Variants in WWOX observed in about 807,000 individuals in gnomAD.
WWOX encodes the protein WW domain containing oxidoreductase, also known as WW domain-containing oxidoreductase.
In WWOX, 69 loss-of-function variants were observed where a neutral mutation model predicts 46.2. The observed-to-expected ratio is 1.49, with a 90% CI of 1.23 to 1.82. The LOEUF (loss-of-function observed/expected upper bound fraction) is 1.82, where lower values mean the gene tolerates loss of function less well. Ranked by LOEUF, WWOX falls within the 40% of genes most tolerant of loss-of-function variation. The pLI, the probability that WWOX is intolerant of heterozygous loss-of-function variation, is 0.00. For synonymous variants in WWOX, 359 were observed against 202.6 expected, an observed-to-expected ratio of 1.77 and a Z score of -6.56; for missense variants, 919 against 542.6, an observed-to-expected ratio of 1.69 and a Z score of -6.89.
At chr16:78,237,165 C>G (rs1597386554) in intron 5 of WWOX, among the ~76,000 whole-genome samples, 1 of 151,004 alleles carries the variant, frequency 6.6e-6, no homozygotes, top group Non-Finnish European at 1.5e-5. Flanking sequence ...GATTCAAAGT[C>G]TGACTGATTT....
At chr16:78,181,545 A>G (rs572163963) in intron 5 of WWOX, among the ~76,000 whole-genome samples, 79 of 152,210 alleles carry the variant, frequency 5.2e-4, no homozygotes, top group Non-Finnish European at 9.8e-4. Context: ...AGCGGGTGGC[A>G]CACTCCGTGG....
At chr16:78,799,387 C>T (rs1450923030) in intron 8 of WWOX, among the ~76,000 whole-genome samples, 1 of 152,194 alleles carries the variant, frequency 6.6e-6, no homozygotes, top group Non-Finnish European at 1.5e-5. Flanking sequence ...GCTCACACGT[C>T]TGTGCTTGCT....
intron 8 of WWOX, among the ~76,000 whole-genome samples, chr16:78,618,450 T>A (rs900929915): frequency 5.9e-5 from 9 of 152,180 alleles, no homozygotes; most frequent in African/African-American, 2.2e-4. Context: ...CACATGGTCT[T>A]CCCTCTGTGT....
intron 8 of WWOX, among the ~76,000 whole-genome samples, chr16:78,862,160 G>T (rs541727279): frequency 1.4e-5 from 2 of 140,872 alleles, no homozygotes; most frequent in Non-Finnish European, 3.3e-5. Flanking sequence ...GGGTGTGTCT[G>T]TCTGTATCTA....
At chr16:79,188,177 C>T (rs2051057774) in intron 8 of WWOX, among the ~76,000 whole-genome samples, 3 of 152,244 alleles carry the variant, frequency 2.0e-5, no homozygotes, top group South Asian at 4.1e-4. Context: ...CTAAACGAAG[C>T]AGAGATGGGA....
chr16:78,217,126 A>G (rs2036747812), intron 5 of WWOX, among the ~76,000 whole-genome samples: 1 of 152,230 alleles, frequency 6.6e-6, no homozygotes, highest in African/African-American at 2.4e-5. Flanking sequence ...TTCAGGGATT[A>G]GGACCTGGAC....
rs572917171 is a variant in WWOX, at chr16:78,930,821, A to T, written c.1057-280787A>T. 1.9e-4 allele frequency among the ~76,000 whole-genome samples: 29 copies of T among 152,270 alleles called. No individual in the cohort carries two copies. The South Asian group carries it at 3.1e-3, about 16-fold the overall frequency. On this transcript the variant is annotated intron_variant, in intron 8 of 8. Transcript: ENST00000566780. ...CATATTTGCTGAGTACCCGCTGTTC[A>T]TAGGTCAGTCGCTATGCAAGGCACT...
intron 8 of WWOX, among the ~76,000 whole-genome samples, chr16:79,135,402 T>C (rs2049963831): frequency 1.3e-5 from 2 of 152,220 alleles, no homozygotes; most frequent in Admixed American, 1.3e-4. Flanking sequence ...CTGCCTGTTA[T>C]CCCATTGTCT....
intron 8 of WWOX, among the ~76,000 whole-genome samples, chr16:78,743,150 C>G (rs1050440089): frequency 3.9e-5 from 6 of 152,022 alleles, no homozygotes; most frequent in African/African-American, 1.4e-4. Context: ...GTGCTGCAGC[C>G]GTTATTGATA....
chr16:78,968,224 C>G (rs1006909049), intron 8 of WWOX, among the ~76,000 whole-genome samples: 1 of 152,026 alleles, frequency 6.6e-6, no homozygotes, highest in Non-Finnish European at 1.5e-5. Context: ...GGACATGATT[C>G]ATACATGCAA....
At chr16:78,184,948 G>T (rs2035649076) in intron 5 of WWOX, among the ~76,000 whole-genome samples, 1 of 152,214 alleles carries the variant, frequency 6.6e-6, no homozygotes, top group African/African-American at 2.4e-5. Flanking sequence ...TTCATCATGA[G>T]TTGCTTGGAG....
chr16:78,482,421 C>G (rs905720171), intron 8 of WWOX, among the ~76,000 whole-genome samples: 1 of 152,150 alleles, frequency 6.6e-6, no homozygotes, highest in African/African-American at 2.4e-5. Flanking sequence ...CCAGGTTTCA[C>G]CATGTTAGCC....
intron 8 of WWOX, among the ~76,000 whole-genome samples, chr16:78,944,209 C>G (rs1043210706): frequency 3.3e-5 from 5 of 152,096 alleles, no homozygotes; most frequent in Non-Finnish European, 5.9e-5. Context: ...TCTGGATAAT[C>G]TCTTCTACCC....
intron 8 of WWOX, among the ~76,000 whole-genome samples, chr16:78,576,521 A>T (rs538469579): frequency 1.3e-5 from 2 of 152,196 alleles, no homozygotes; most frequent in Non-Finnish European, 2.9e-5. Context: ...CTGCACAACC[A>T]TGAAAGCAGT....
chr16:78,169,627 A>ATTTCTAAATTTTAG (rs970722867), intron 5 of WWOX, among the ~76,000 whole-genome samples: 1 of 151,688 alleles, frequency 6.6e-6, no homozygotes, highest in East Asian at 1.9e-4. Context: ...TTTCTATTAG[A>ATTTCTAAATTTTAG]TTTCTAAATT....
chr16:79,182,069 T>TCCCCACCCTACCCCCCCCCC (rs57184665), intron 8 of WWOX, among the ~76,000 whole-genome samples: 18 of 149,726 alleles, frequency 1.2e-4, no homozygotes, highest in African/African-American at 4.3e-4. Context: ...CCTTCCAACA[T>TCCCCACCCTACCCCCCCCCC]CCCCACCCTA....
At chr16:79,122,044 G>A (rs979633123) in intron 8 of WWOX, among the ~76,000 whole-genome samples, 1 of 152,044 alleles carries the variant, frequency 6.6e-6, no homozygotes, top group Non-Finnish European at 1.5e-5. Flanking sequence ...AACCCTGATG[G>A]GTCCCAGCTG....
chr16:78,502,357 C>G (rs923109580), intron 8 of WWOX, among the ~76,000 whole-genome samples: 2 of 152,120 alleles, frequency 1.3e-5, no homozygotes, highest in East Asian at 1.9e-4. Context: ...CTCTCCAGTT[C>G]CTGGCAACCA....
At chr16:78,770,863 G>T (rs1311851535) in intron 8 of WWOX, among the ~76,000 whole-genome samples, 4 of 152,266 alleles carry the variant, frequency 2.6e-5, no homozygotes, top group Non-Finnish European at 5.9e-5. Flanking sequence ...TCTGTGGACG[G>T]TTGGCACCGA....
Sources: allele counts gnomAD v4.1 joint callset (sites outside exome capture counted in the v4.1 genomes callset), GRCh38; gene constraint gnomAD v4.1.1; transcripts MANE v1.5; gene names NCBI Gene and HGNC (gene_info 2026-07-23, HGNC 2026-07-21).